The following ZFAND6 variants were observed in gnomAD, a reference collection of about 807,000 sequenced individuals.
ZFAND6 encodes AN1-type zinc finger protein 6.
ZFAND6 carries 12 observed loss-of-function variants against 24.5 expected under a neutral mutation model. That is an observed-to-expected ratio of 0.49 (90% CI 0.31 to 0.79). ZFAND6 has a LOEUF of 0.79. Among genes scored for constraint, ZFAND6 ranks in the 30% least tolerant of loss-of-function variants. ZFAND6 has a pLI of 0.04. For synonymous variants in ZFAND6, 92 were observed against 81.5 expected, an observed-to-expected ratio of 1.13 and a Z score of -0.69; for missense variants, 207 against 245.9, an observed-to-expected ratio of 0.84 and a Z score of 1.06.
At chr15:80,096,042 A>C (rs956353126) in intron 1 of ZFAND6, among the ~76,000 whole-genome samples, 12 of 152,238 alleles carry the variant, frequency 7.9e-5, no homozygotes, top group African/African-American at 2.7e-4. Context: ...GCTCAAGAGC[A>C]CCAGGTTTTG....
chr15:80,059,262 C>A (rs554699503), upstream of ZFAND6, among the ~76,000 whole-genome samples: 146 of 152,298 alleles, frequency 9.6e-4, no homozygotes, highest in African/African-American at 3.4e-3. Context: ...GTGCCTCAGT[C>A]CAAGACAGGG....
chr15:80,111,451 A>AT (rs1395960688), intron 2 of ZFAND6: 1 of 451,684 alleles, frequency 2.2e-6, no homozygotes, highest in Admixed American at 2.4e-5. Flanking sequence ...GGAATACTGT[A>AT]TTTTCAATCT....
chr15:80,079,526 G>GTTCT (rs1490080655), intron 1 of ZFAND6, among the ~76,000 whole-genome samples: 3 of 150,648 alleles, frequency 2.0e-5, no homozygotes, highest in African/African-American at 7.3e-5. Context: ...GGCCTACTCT[G>GTTCT]TTCTTTCTTT....
intron 1 of ZFAND6, chr15:80,075,301 C>A: frequency 4.0e-6 from 1 of 249,618 alleles, no homozygotes; most frequent in Non-Finnish European, 8.1e-6. Flanking sequence ...TTATTGCTAC[C>A]AAATAGAGAT....
At chr15:80,114,209 G>A (rs966221606) in intron 2 of ZFAND6, among the ~76,000 whole-genome samples, 6 of 152,192 alleles carry the variant, frequency 3.9e-5, no homozygotes, top group African/African-American at 1.4e-4. Flanking sequence ...GGTTAGATAA[G>A]TGATGTAAGT....
intron 1 of ZFAND6, among the ~76,000 whole-genome samples, chr15:80,094,151 T>A (rs190175701): frequency 6.6e-6 from 1 of 152,344 alleles, no homozygotes; most frequent in African/African-American, 2.4e-5. Context: ...AGGTTTTATT[T>A]TGCAATAATT....
chr15:80,093,453 C>T (rs370200550), intron 1 of ZFAND6, among the ~76,000 whole-genome samples: 5 of 151,848 alleles, frequency 3.3e-5, no homozygotes, highest in Non-Finnish European at 7.4e-5. Flanking sequence ...CCTGGCTGGG[C>T]GCGGTGGCTC....
Position 80,108,006 on chromosome 15 carries a change from T to TA in ZFAND6, c.-18+9429dup, listed in dbSNP as rs151089046. On this transcript the variant is annotated intron_variant, in intron 2 of 6. Transcript: ENST00000261749. ...TTGGGTTGAATCCCAGCTCCTCACT[T>TA]ACTAGCTGTGTGTCCTTGAACAGTT... 7.7e-3 allele frequency among the ~76,000 whole-genome samples: 1,167 copies of TA among 152,280 alleles called. 20 individuals carry two copies. The highest frequency in any genetic ancestry group is 0.027 in the African/African-American group (1,128 of 41,548).
At chr15:80,120,185 T>TA in intron 2 of ZFAND6, 143 bp from the exon 3 acceptor site, 1 of 620,448 alleles carries the variant, frequency 1.6e-6, no homozygotes, top group East Asian at 3.4e-5. Flanking sequence ...TTTCTCTCCT[T>TA]TTTAGCCCTA....
chr15:80,095,052 C>A (rs932985877), intron 1 of ZFAND6, among the ~76,000 whole-genome samples: 1 of 152,134 alleles, frequency 6.6e-6, no homozygotes, highest in Non-Finnish European at 1.5e-5. Context: ...GGATTATAGG[C>A]GTGAGCCCAA....
At chr15:80,107,892 G>A (rs769589682) in intron 2 of ZFAND6, among the ~76,000 whole-genome samples, 1 of 151,846 alleles carries the variant, frequency 6.6e-6, no homozygotes, top group African/African-American at 2.4e-5. Flanking sequence ...GGAGGGGGAA[G>A]GACCTCTGAA....
rs765950440 is a variant in ZFAND6 at position 80,124,915 on chromosome 15, A to G, written c.364+2115A>G. ...TAAAAAAAATTTAACATATTATTGA[A>G]TTAAGAATACCCTTTTTATTATAAA... On this transcript the variant is annotated intron_variant, in intron 5 of 6. Transcript: ENST00000261749. 2.9e-4 allele frequency among the ~76,000 whole-genome samples: 44 copies of G among 152,232 alleles called. 1 individual carries two copies. The highest frequency in any genetic ancestry group is 2.9e-5 in the Non-Finnish European group (2 of 68,036).
chr15:80,080,586 A>G (rs2037604608), intron 1 of ZFAND6, among the ~76,000 whole-genome samples: 1 of 152,192 alleles, frequency 6.6e-6, no homozygotes, highest in Non-Finnish European at 1.5e-5. Context: ...GGTTGATCTC[A>G]GGTAACTGAA....
In ZFAND6 at chr15:80,116,225, T is replaced by C. The variant is rs568316519; in HGVS notation, c.-17-4103T>C. Among the ~76,000 whole-genome samples the C allele has an allele frequency of 1.1e-4, 17 of 152,318 alleles. No individual in the cohort carries two copies. In the East Asian group the frequency reaches 3.3e-3, roughly 29 times the overall value. On this transcript the variant is annotated intron_variant, in intron 2 of 6. Transcript: ENST00000261749. ...CAAGAGTAAGGGTTTTTGTGACCCT[T>C]TCCTCCAAAAATCAGTGTTTTCTCC... is the stretch of plus-strand genomic sequence containing the variant.
At chr15:80,129,964 C>G (rs1025762878) in intron 5 of ZFAND6, 4 of 152,144 alleles carry the variant, frequency 2.6e-5, no homozygotes, top group Non-Finnish European at 4.4e-5. Flanking sequence ...ATGGCTGAAT[C>G]ATGGAGTACT....
intron 1 of ZFAND6, among the ~76,000 whole-genome samples, chr15:80,067,521 T>C: frequency 6.6e-6 from 1 of 151,594 alleles, no homozygotes; most frequent in East Asian, 2.0e-4. Flanking sequence ...TGAATTGTTT[T>C]AGCATCTATT....
At chr15:80,126,214 A>C (rs1320392083) in intron 5 of ZFAND6, among the ~76,000 whole-genome samples, 3 of 152,218 alleles carry the variant, frequency 2.0e-5, no homozygotes, top group African/African-American at 7.2e-5. Context: ...TGAATTGTCA[A>C]ATCATTGGTT....
At chr15:80,074,306 TGTATGTGTTGCTATTAGTAA>T (rs2037143464) in intron 1 of ZFAND6, among the ~76,000 whole-genome samples, 1 of 151,882 alleles carries the variant, frequency 6.6e-6, no homozygotes, top group South Asian at 2.1e-4. Flanking sequence ...ATATACTTAG[TGTATGTGTTGCTATTAGTAA>T]GTATGGGGCT....
intron 1 of ZFAND6, among the ~76,000 whole-genome samples, chr15:80,078,627 A>T (rs761400604): frequency 6.6e-6 from 1 of 152,174 alleles, no homozygotes; most frequent in Non-Finnish European, 1.5e-5. Flanking sequence ...TTCTTTGGGA[A>T]ATCTCCAAAT....
Sources: allele counts gnomAD v4.1 joint callset (sites outside exome capture counted in the v4.1 genomes callset), GRCh38; gene constraint gnomAD v4.1.1; transcripts MANE v1.5; gene names NCBI Gene and HGNC (gene_info 2026-07-23, HGNC 2026-07-21).